MYCBP2: variants seen among roughly 807,000 people sequenced by gnomAD.
MYCBP2 encodes the protein E3 ubiquitin-protein ligase MYCBP2.
MYCBP2 carries 120 observed loss-of-function variants against 525.3 expected under a neutral mutation model. That is an observed-to-expected ratio of 0.23 (90% CI 0.20 to 0.27). MYCBP2 has a LOEUF of 0.27. Ranked by LOEUF, MYCBP2 falls within the 10% of genes least tolerant of loss-of-function variation. The pLI is 1.00. For synonymous variants in MYCBP2, 1,894 were observed against 1,955.8 expected (o/e 0.97, Z 0.83); for missense variants, 4,149 against 5,657.1 (o/e 0.73, Z 8.55).
chr13:77,196,725 A>G (rs1179398118), intron 26 of MYCBP2, among the ~76,000 whole-genome samples: 1 of 152,018 alleles, frequency 6.6e-6, no homozygotes, highest in Admixed American at 6.5e-5. Flanking sequence ...TAGCAGGTTT[A>G]GGCAGATCAT....
At chr13:77,124,280 G>A (rs2051270682) in intron 54 of MYCBP2, among the ~76,000 whole-genome samples, 1 of 151,998 alleles carries the variant, frequency 6.6e-6, no homozygotes, top group African/African-American at 2.4e-5. Context: ...GTGTGTTGTG[G>A]GGGGAAAAAG....
chr13:77,240,104 C>T lies in MYCBP2; in HGVS notation c.2629+2955G>A, dbSNP rs552476332. On this transcript the variant is annotated intron_variant, in intron 17 of 82. Transcript: ENST00000544440. ...TATCATATTCATCTAATTTTGTTTT[C>T]TTATAAAAATTTGTTTTTAAATAAA... Among the ~76,000 whole-genome samples the T allele has an allele frequency of 2.6e-5, 4 of 151,966 alleles. No homozygotes were observed. The South Asian group carries it at 8.3e-4, about 32-fold the overall frequency.
intron 1 of MYCBP2, among the ~76,000 whole-genome samples, chr13:77,298,521 C>T (rs1002173837): frequency 5.3e-5 from 8 of 151,918 alleles, no homozygotes; most frequent in South Asian, 2.1e-4. Context: ...TAGTACTCAA[C>T]GAGTATTTTA....
intron 61 of MYCBP2, 151 bp downstream of exon 61, chr13:77,088,681 C>T: frequency 3.5e-6 from 2 of 570,496 alleles, no homozygotes; most frequent in Non-Finnish European, 5.8e-6. Flanking sequence ...ACTTTAGAGT[C>T]TGATTTTTAT....
rs756982068 is a variant in MYCBP2, at chr13:77,326,661, T to A, written c.115A>T (p.Met39Leu). 1.5e-5 allele frequency: 22 copies of A among 1,497,320 alleles called. No individual in the cohort carries two copies. In the South Asian group the frequency reaches 2.5e-4, roughly 17 times the overall value. The allele number at this position is 1,497,320 out of a possible 1,614,324, so 92.8% of individuals were successfully genotyped here. A position where few individuals can be genotyped will look rare whatever the true frequency, so the allele number is the denominator to read the frequency against. The change falls in exon 1 of 83, where the codon ATG becomes TTG. Residue 39 changes from methionine (M) to leucine (L), a missense_variant. Physicochemically the swap from Met to Leu is conservative, Grantham distance 15. This residue lies in a region of MYCBP2 where 413 missense variants were observed against 451.2 expected (regional missense o/e 0.92). Transcript: ENST00000544440. The surrounding 1 kb of genome is among the most constrained non-coding windows in gnomAD (Gnocchi z 4.2). ...SSSPAPGALF[M>L]PVPDGSVAAA... Reference sequence around the variant, plus strand: ...GCCACGGAGCCGTCGGGAACCGGCATGAACAGCGCCCCCGGCGCCGGGGAG... The same window carrying A: ...GCCACGGAGCCGTCGGGAACCGGCAAGAACAGCGCCCCCGGCGCCGGGGAG...
Position 77,143,263 on chromosome 13 carries a change from G to A in MYCBP2, c.7303+1182C>T, listed in dbSNP as rs567110133. ...GAGGGTGTTTCCAGACAAGACTGGC[G>A]TGTGAGTGTGAGTGGAGTAGGTGGA... On this transcript the variant is annotated intron_variant, in intron 49 of 82. Transcript: ENST00000544440. Among the ~76,000 whole-genome samples the A allele has an allele frequency of 7.2e-5, 11 of 152,324 alleles. No homozygotes were observed. The South Asian group carries it at 8.3e-4, about 11-fold the overall frequency.
chr13:77,220,315 G>T (rs1273472399), intron 20 of MYCBP2, among the ~76,000 whole-genome samples: 2 of 152,104 alleles, frequency 1.3e-5, no homozygotes, highest in Non-Finnish European at 2.9e-5. Flanking sequence ...AAGTAGGGCT[G>T]CATCACAGAA....
intron 32 of MYCBP2, among the ~76,000 whole-genome samples, chr13:77,183,921 G>C (rs1210869962): frequency 1.3e-5 from 2 of 152,002 alleles, no homozygotes; most frequent in Non-Finnish European, 2.9e-5. Flanking sequence ...AGGTTTGCTA[G>C]GAGTTTACCA....
intron 33 of MYCBP2, 103 bp downstream of exon 33, chr13:77,181,598 T>C: frequency 1.3e-6 from 1 of 744,002 alleles, no homozygotes; most frequent in Non-Finnish European, 2.2e-6. Context: ...TACGCTTAGC[T>C]TGGTGTGTTT....
intron 3 of MYCBP2, 104 bp from the exon 4 acceptor site, chr13:77,279,015 A>G (rs2075915329): frequency 2.5e-5 from 17 of 675,132 alleles, no homozygotes; most frequent in Middle Eastern, 4.3e-4. Context: ...ATGATAATGT[A>G]TATGTATAAT....
Position 77,081,551 on chromosome 13 carries a change from G to A in MYCBP2, c.11294C>T (p.Thr3765Ile). 1 of 1,613,870 alleles carries A rather than the reference G, an allele frequency of 6.2e-7. No individual in the cohort carries two copies. Among genetic ancestry groups the A allele is most frequent in the Non-Finnish European group, 8.5e-7 (1 of 1,179,918 alleles). Residue 3765 changes from threonine to isoleucine, a missense_variant, in exon 65 of 83, where the codon ACA becomes ATA. By Grantham distance (89) the Thr-to-Ile change is moderately conservative. This residue lies in a region of MYCBP2 where 509 missense variants were observed against 789.4 expected (regional missense o/e 0.64). Transcript: ENST00000544440. The surrounding 1 kb of genome is among the most constrained non-coding windows in gnomAD (Gnocchi z 4.6). ...ATCTCCTGATTCCCAAAAGGTTTCT[G>A]TGGAGCCGTCTGTCAAACTGCCAAT... ...AMIGSLTDGS[T>I]ETFWESGDED...
At position 77,263,920 on chromosome 13, in the gene MYCBP2, G is replaced by T. The variant is rs752885629; in HGVS notation, c.1431+9C>A. On this transcript the variant is annotated intron_variant, in intron 9 of 82. Transcript: ENST00000544440. The stretch of plus-strand genomic sequence containing the variant: ...TTTACACTAGCTACTTAAGATTCAG[G>T]ATACTTACATCTCTTGAAGCAGCTA... 1 of 1,609,760 alleles carries T rather than the reference G, an allele frequency of 6.2e-7. No individual in the cohort carries two copies. Among genetic ancestry groups the T allele is most frequent in the Non-Finnish European group, 8.5e-7 (1 of 1,177,244 alleles).
chr13:77,214,573 G>A (rs1454250525), intron 21 of MYCBP2, among the ~76,000 whole-genome samples: 1 of 152,126 alleles, frequency 6.6e-6, no homozygotes, highest in Non-Finnish European at 1.5e-5. Flanking sequence ...ACGGGAAAGG[G>A]GAAATATATA....
rs2082309999 is a variant in MYCBP2 at position 77,326,376 on chromosome 13, TACACACACGCAAGCAC to T, written c.302+82_302+97del. The T allele has an allele frequency of 2.3e-5, 28 of 1,213,448 alleles. No homozygotes were observed. The South Asian group carries it at 4.2e-4, about 18-fold the overall frequency. 75.2% of individuals were successfully genotyped at this position (1,213,448 alleles called of 1,614,324 possible). A position where few individuals can be genotyped will look rare whatever the true frequency, so the allele number is the denominator to read the frequency against. ...ACTGAAAGCTCAATAAATGCGCAGG[TACACACACGCAAGCAC>T]ACACACACGCGGGTGCACGCGCGGC... On this transcript the variant is annotated intron_variant, in intron 1 of 82. Coordinates refer to ENST00000544440, the MANE Select transcript of MYCBP2 (RefSeq NM_015057.5). This position sits in a 1 kb window ranked among gnomAD's most constrained non-coding sequence, Gnocchi z 4.2.
intron 21 of MYCBP2, among the ~76,000 whole-genome samples, chr13:77,215,403 C>T (rs1485181184): frequency 4.6e-5 from 7 of 151,990 alleles, no homozygotes; most frequent in Non-Finnish European, 8.8e-5. Flanking sequence ...TTTTTTTGAA[C>T]TTGTACAGGC....
chr13:77,113,263 C>G (rs903458540), intron 55 of MYCBP2, among the ~76,000 whole-genome samples: 4 of 152,182 alleles, frequency 2.6e-5, no homozygotes, highest in African/African-American at 9.6e-5. Flanking sequence ...TCTCTAACCT[C>G]TCCTAGCTGA....
rs773575976 is a variant in MYCBP2, at chr13:77,166,560, G to A, written c.6115-6C>T. ...ACACATTCTGGGAATGTCACCTGAGGTCAACAGGCAAAGTGACATGAATAC... is the reference window on the plus strand; with the variant it reads ...ACACATTCTGGGAATGTCACCTGAGATCAACAGGCAAAGTGACATGAATAC... On this transcript the variant is annotated splice_region_variant and splice_polypyrimidine_tract_variant and intron_variant, in intron 40 of 82. Coordinates refer to ENST00000544440, the MANE Select transcript of MYCBP2 (RefSeq NM_015057.5). The A allele has an allele frequency of 6.2e-7, 1 of 1,604,104 alleles. No homozygotes were observed.
chr13:77,191,513 A>G (rs530557828), intron 28 of MYCBP2, among the ~76,000 whole-genome samples, 166 bp downstream of exon 28: 9 of 152,356 alleles, frequency 5.9e-5, no homozygotes, highest in Admixed American at 5.2e-4. Context: ...TGTTCTGTCT[A>G]GACCTCAATT....
chr13:77,309,028 A>G (rs778420896), intron 1 of MYCBP2, among the ~76,000 whole-genome samples: 20 of 152,258 alleles, frequency 1.3e-4, no homozygotes, highest in Non-Finnish European at 2.8e-4. Context: ...AATGGATGCC[A>G]AAGGGATATG....
Sources: allele counts gnomAD v4.1 joint callset (sites outside exome capture counted in the v4.1 genomes callset), GRCh38; gene constraint gnomAD v4.1.1; regional missense constraint gnomAD v4.1.1; non-coding constraint Gnocchi (gnomAD v3.1); transcripts MANE v1.5; gene names NCBI Gene and HGNC (gene_info 2026-07-23, HGNC 2026-07-21).